The following PYROXD1 variants were observed in gnomAD, a reference collection of about 807,000 sequenced individuals.
PYROXD1 encodes the protein tRNA ligase complex-associated NAD(P)H dehydrogenase PYROXD1.
In PYROXD1, 42 loss-of-function variants were observed where a neutral mutation model predicts 62.0. The observed-to-expected ratio is 0.68, with a 90% CI of 0.53 to 0.88. The LOEUF (loss-of-function observed/expected upper bound fraction) is 0.88. PYROXD1 is among the 40% of genes least tolerant of loss of function. The pLI is 0.00. For missense variants in PYROXD1, 493 were observed against 604.8 expected, an observed-to-expected ratio of 0.82 and a Z score of 1.94; for synonymous variants, 170 against 206.4, an observed-to-expected ratio of 0.82 and a Z score of 1.51.
At chr12:21,467,684 G>T in intron 11 of PYROXD1, 66 bp downstream of exon 11, 2 of 1,230,640 alleles carry the variant, frequency 1.6e-6, no homozygotes, top group South Asian at 1.5e-5. Context: ...TAAATCATGT[G>T]ATTTTCTTGC....
At chr12:21,439,117 T>A (rs1452664167) in intron 1 of PYROXD1, among the ~76,000 whole-genome samples, 4 of 152,214 alleles carry the variant, frequency 2.6e-5, no homozygotes, top group African/African-American at 9.6e-5. Context: ...TGGAAAAGCA[T>A]GGATCATCAG....
At chr12:21,446,845 T>G (rs73067963) in intron 3 of PYROXD1, among the ~76,000 whole-genome samples, 3,052 of 151,552 alleles carry the variant, frequency 0.02, 37 homozygotes, top group Middle Eastern at 0.051. Context: ...AGCCTGGGAG[T>G]TCAAGGCTGC....
intron 1 of PYROXD1, chr12:21,438,059 T>A (rs1942224922): frequency 1.8e-6 from 1 of 566,006 alleles, no homozygotes. Flanking sequence ...AGCTGGCTGA[T>A]CCGTGCTCAG....
At chr12:21,464,211 A>G (rs200834623) in intron 10 of PYROXD1, among the ~76,000 whole-genome samples, 16,671 of 151,596 alleles carry the variant, frequency 0.11, 1,032 homozygotes, top group East Asian at 0.29. Context: ...AAAGAGGGGA[A>G]AAAATCCGAA....
At chr12:21,447,994 AAC>A in intron 3 of PYROXD1, 3 of 364,794 alleles carry the variant, frequency 8.2e-6, no homozygotes, top group Admixed American at 3.8e-5. Flanking sequence ...AAAAAAAAAA[AAC>A]ACATGCGTAC....
At chr12:21,437,921 T>G in intron 1 of PYROXD1, 107 bp downstream of exon 1, 2 of 1,042,330 alleles carry the variant, frequency 1.9e-6, no homozygotes, top group Non-Finnish European at 2.7e-6. Context: ...GGTTCCTTTT[T>G]TGCTGCGCCC....
At chr12:21,462,992 T>A in intron 10 of PYROXD1, 130 bp downstream of exon 10, 1 of 731,892 alleles carries the variant, frequency 1.4e-6, no homozygotes, top group Non-Finnish European at 2.1e-6. Context: ...ACAGTTGTTA[T>A]ATATATTTAA....
chr12:21,465,970 T>C lies in PYROXD1; in HGVS notation c.1117-1511T>C, dbSNP rs1942786040. 2.6e-5 allele frequency among the ~76,000 whole-genome samples: 4 copies of C among 152,180 alleles called. No homozygotes were observed. In the South Asian group the frequency reaches 8.3e-4, roughly 32 times the overall value. On this transcript the variant is annotated intron_variant, in intron 10 of 11. Coordinates refer to ENST00000240651, the MANE Select transcript of PYROXD1 (RefSeq NM_024854.5). ...TTTGTCAGGTTTGTGAAAGATCAGA[T>C]AGTTGTAGATATGAGGCATTATTTC... is the stretch of plus-strand genomic sequence containing the variant.
rs1189446577 is a variant in PYROXD1, at chr12:21,467,493, A to T, written c.1129A>T (p.Thr377Ser). 6.2e-7 allele frequency: 1 copy of T among 1,604,618 alleles called. No homozygotes were observed. Among genetic ancestry groups the T allele is most frequent in the Non-Finnish European group, 8.5e-7 (1 of 1,176,624 alleles). Residue 377 changes from threonine to serine, a missense_variant, in exon 11 of 12, where the codon ACC becomes TCC. Transcript: ENST00000240651. ...SPVWQQMRLW[T>S]QARQMGWYAA... ...TTCATCATTTCAGATGAGGCTGTGG[A>T]CCCAGGCTAGACAGATGGGATGGTA... is the stretch of plus-strand genomic sequence containing the variant.
intron 8 of PYROXD1, 97 bp downstream of exon 8, chr12:21,461,251 C>T: frequency 2.7e-6 from 2 of 754,322 alleles, no homozygotes; most frequent in Non-Finnish European, 3.9e-6. Flanking sequence ...TTCGTATTTC[C>T]ATATAAAATT....
At chr12:21,453,597 T>A (rs1942542602) in intron 5 of PYROXD1, among the ~76,000 whole-genome samples, 1 of 152,124 alleles carries the variant, frequency 6.6e-6, no homozygotes, top group African/African-American at 2.4e-5. Context: ...TGTCTGCTTC[T>A]GTAGAGTCAT....
intron 10 of PYROXD1, among the ~76,000 whole-genome samples, chr12:21,466,452 G>A (rs1942795148): frequency 6.6e-6 from 1 of 152,084 alleles, no homozygotes; most frequent in Non-Finnish European, 1.5e-5. Context: ...ATTCACTCAT[G>A]ATTTGGCTCT....
Position 21,465,247 on chromosome 12 carries a change from C to T in PYROXD1, c.1117-2234C>T, listed in dbSNP as rs1942770969. 3.3e-5 allele frequency among the ~76,000 whole-genome samples: 5 copies of T among 152,054 alleles called. No homozygotes were observed. The South Asian group carries it at 1.0e-3, about 32-fold the overall frequency. On this transcript the variant is annotated intron_variant, in intron 10 of 11. Transcript: ENST00000240651. ...CTAGATCCCTGAGGAATCGCCACAC[C>T]AACTTCCACAATGGTTGAACTAGTT...
In PYROXD1 at chr12:21,470,263, A is replaced by C; in HGVS notation, c.*1509A>C. 2 of 1,609,518 alleles carry C rather than the reference A, an allele frequency of 1.2e-6. No homozygotes were observed. Among genetic ancestry groups the C allele is most frequent in the Non-Finnish European group, 1.7e-6 (2 of 1,178,326 alleles). ...AACCAGATTGCTGAAGCATGTTTGCAGCCTTCTTCTGGAAGTTGCCTGAAT... is the reference window on the plus strand; with the variant it reads ...AACCAGATTGCTGAAGCATGTTTGCCGCCTTCTTCTGGAAGTTGCCTGAAT... On this transcript the variant is annotated 3_prime_UTR_variant, in exon 12 of 12. Transcript: ENST00000240651.
At chr12:21,465,517 G>T (rs549194046) in intron 10 of PYROXD1, among the ~76,000 whole-genome samples, 38 of 148,774 alleles carry the variant, frequency 2.6e-4, no homozygotes, top group African/African-American at 9.4e-4. Context: ...TGATGGGGTT[G>T]TTTTTTTTTT....
chr12:21,452,838 G>A (rs1176042560), intron 5 of PYROXD1, among the ~76,000 whole-genome samples: 1 of 151,938 alleles, frequency 6.6e-6, no homozygotes, highest in Non-Finnish European at 1.5e-5. Flanking sequence ...CCACAAAGAG[G>A]ACAAATTTGA....
rs764015245 is a variant in PYROXD1 at position 21,461,977 on chromosome 12, A to G, written c.881-31A>G. On this transcript the variant is annotated intron_variant, in intron 8 of 11. Coordinates refer to ENST00000240651, the MANE Select transcript of PYROXD1 (RefSeq NM_024854.5). ...TGGTGATGGTTCCATTTACAAATAA[A>G]GTCTGTTTTTTTGGTTTTTTTTTCT... 3 of 1,373,678 alleles carry G rather than the reference A, an allele frequency of 2.2e-6. No individual in the cohort carries two copies. In the Admixed American group the frequency reaches 5.1e-5, roughly 24 times the overall value. 85.1% of individuals were successfully genotyped at this position (1,373,678 alleles called of 1,614,324 possible).
chr12:21,445,934 A>T (rs957099886), intron 3 of PYROXD1, among the ~76,000 whole-genome samples: 2 of 152,162 alleles, frequency 1.3e-5, no homozygotes, highest in Admixed American at 6.5e-5. Flanking sequence ...AGATGAGTGA[A>T]ATTAAGAGTT....
chr12:21,461,877 A>AGT (rs1381941492), intron 8 of PYROXD1, 131 bp from the exon 9 acceptor site: 2 of 497,936 alleles, frequency 4.0e-6, no homozygotes, highest in Non-Finnish European at 7.2e-6. Context: ...ATTGCTAAGG[A>AGT]GTGTGTTACA....
Sources: gnomAD v4.1 joint callset for allele counts (sites outside exome capture counted in the v4.1 genomes callset) on GRCh38, gnomAD v4.1.1 for gene constraint, MANE v1.5 for transcripts, NCBI Gene and HGNC (gene_info 2026-07-23, HGNC 2026-07-21) for gene names.